The following MTERF4 variants were observed in gnomAD, a reference collection of about 807,000 sequenced individuals.
MTERF4 encodes mitochondrial transcription termination factor 4.
In MTERF4, 17 loss-of-function variants were observed where a neutral mutation model predicts 22.5. The observed-to-expected ratio is 0.75, with a 90% CI of 0.52 to 1.13. MTERF4 has a LOEUF of 1.13. MTERF4 is among the 50% of genes most tolerant of loss of function. The pLI is 0.00. For missense variants in MTERF4, 420 were observed against 466.8 expected, an observed-to-expected ratio of 0.90 and a Z score of 0.92; for synonymous variants, 165 against 175.3, an observed-to-expected ratio of 0.94 and a Z score of 0.47.
downstream of MTERF4, chr2:241,082,505 T>A (rs2063378560): frequency 9.6e-6 from 6 of 626,060 alleles, no homozygotes; most frequent in Non-Finnish European, 1.7e-5. Flanking sequence ...GACCATCGAT[T>A]CCCTCCATGT....
At chr2:241,080,402 T>C (rs187962478) in intron 4 of MTERF4, among the ~76,000 whole-genome samples, 10 of 152,350 alleles carry the variant, frequency 6.6e-5, no homozygotes, top group Admixed American at 1.3e-4. Context: ...GTTCTGTTCA[T>C]TGAAAGGCCT....
the MTERF4 span, chr2:241,051,849 A>G: frequency 1.9e-6 from 3 of 1,554,838 alleles, no homozygotes; most frequent in Middle Eastern, 1.7e-4. The surrounding 1 kb of genome is among the most constrained non-coding windows in gnomAD (Gnocchi z 4.7). Context: ...ACTGGGAGGC[A>G]CTGTGAGATC....
At chr2:241,070,071 C>G (rs367610382), downstream of MTERF4, 1 of 1,612,980 alleles carries the variant, frequency 6.2e-7, no homozygotes. Context: ...ATGTCCCCAA[C>G]GGGAAGCTGG....
At chr2:241,064,867 C>T in the MTERF4 span, 2 of 1,589,368 alleles carry the variant, frequency 1.3e-6, no homozygotes, top group Non-Finnish European at 1.7e-6. This position sits in a 1 kb window ranked among gnomAD's most constrained non-coding sequence, Gnocchi z 7.0. Flanking sequence ...CTTCTCCAGC[C>T]CCTGTGGGGG....
intron 4 of MTERF4, among the ~76,000 whole-genome samples, chr2:241,079,790 CT>C (rs2063240989): frequency 6.6e-6 from 1 of 152,072 alleles, no homozygotes; most frequent in Admixed American, 6.5e-5. Flanking sequence ...CTGTTCACCC[CT>C]AATGGAATAT....
chr2:241,049,894 G>A, the MTERF4 span: 33 of 1,613,782 alleles, frequency 2.0e-5, no homozygotes, highest in Admixed American at 8.3e-5. Flanking sequence ...CTACACCTGC[G>A]AGTGCCCGCG....
chr2:241,080,869 C>T (rs573732853), intron 4 of MTERF4, among the ~76,000 whole-genome samples: 198 of 152,346 alleles, frequency 1.3e-3, no homozygotes, highest in Non-Finnish European at 2.2e-3. Flanking sequence ...AGGGTGACCA[C>T]GGGGTAGGTG....
downstream of MTERF4, chr2:241,087,804 C>T (rs1009313754): frequency 1.5e-5 from 12 of 785,364 alleles, no homozygotes; most frequent in South Asian, 5.2e-5. Context: ...CGATATAGCG[C>T]GTCGCTCTTT....
chr2:241,079,528 T>C (rs908412453), intron 4 of MTERF4, among the ~76,000 whole-genome samples: 4 of 150,156 alleles, frequency 2.7e-5, no homozygotes, highest in African/African-American at 1.0e-4. Flanking sequence ...GAAATGAAAC[T>C]AATAAGATGG....
the MTERF4 span, chr2:241,065,711 G>C: frequency 1.1e-6 from 1 of 898,436 alleles, no homozygotes; most frequent in Non-Finnish European, 1.7e-6. Flanking sequence ...TCTTGCAGCA[G>C]CAAGACAGAC....
the MTERF4 span, chr2:241,053,206 G>A: frequency 5.0e-5 from 80 of 1,610,142 alleles, no homozygotes; most frequent in South Asian, 5.8e-4. Flanking sequence ...GCGCTTCAAC[G>A]GCACGCGGCT....
At chr2:241,080,202 T>C (rs1411306333) in intron 4 of MTERF4, among the ~76,000 whole-genome samples, 1 of 152,112 alleles carries the variant, frequency 6.6e-6, no homozygotes, top group African/African-American at 2.4e-5. Flanking sequence ...GAGAATCACT[T>C]GAACCCAGGA....
the MTERF4 span, chr2:241,049,222 A>G: frequency 1.0e-6 from 1 of 986,324 alleles, no homozygotes; most frequent in Non-Finnish European, 1.6e-6. Flanking sequence ...CAGAGGCCAG[A>G]GTCCCTACTT....
chr2:241,058,562 T>C, the MTERF4 span, among the ~76,000 whole-genome samples: 1 of 152,226 alleles, frequency 6.6e-6, no homozygotes, highest in African/African-American at 2.4e-5. Flanking sequence ...AATTATGTGC[T>C]TATGTATCAG....
chr2:241,089,656 C>T (rs2063783883), downstream of MTERF4, among the ~76,000 whole-genome samples: 1 of 152,252 alleles, frequency 6.6e-6, no homozygotes, highest in African/African-American at 2.4e-5. Context: ...ACCTCACCCT[C>T]CAAAGACACA....
the MTERF4 span, chr2:241,064,251 C>CG: frequency 3.0e-6 from 2 of 659,188 alleles, no homozygotes; most frequent in Admixed American, 3.2e-5. The surrounding 1 kb of genome is among the most constrained non-coding windows in gnomAD (Gnocchi z 7.0). Context: ...GCCCTCTGCC[C>CG]GCCGCCTTGG....
At chr2:241,088,206 C>G (rs1353218904), downstream of MTERF4, 3 of 620,274 alleles carry the variant, frequency 4.8e-6, no homozygotes, top group Non-Finnish European at 8.8e-6. Flanking sequence ...AACTAAAATG[C>G]TAATCTCCAC....
downstream of MTERF4, chr2:241,090,015 G>C (rs768428497): frequency 1.9e-6 from 3 of 1,548,588 alleles, no homozygotes; most frequent in South Asian, 3.6e-5. Flanking sequence ...GAATGCGCAG[G>C]ACTGGCAGTT....
intron 1 of MTERF4, chr2:241,100,112 T>A (rs766632912): frequency 7.7e-6 from 4 of 522,556 alleles, no homozygotes; most frequent in African/African-American, 3.8e-5. Flanking sequence ...GTCAAGCAGG[T>A]ACAATATTGT....
Sources: gnomAD v4.1 joint callset for allele counts (sites outside exome capture counted in the v4.1 genomes callset) on GRCh38, gnomAD v4.1.1 for gene constraint, Gnocchi (gnomAD v3.1) non-coding constraint, MANE v1.5 for transcripts, NCBI Gene and HGNC (gene_info 2026-07-23, HGNC 2026-07-21) for gene names.